CPQ: variants seen among roughly 807,000 people sequenced by gnomAD.
CPQ encodes carboxypeptidase Q, also known as Ser-Met dipeptidase.
A neutral mutation model predicts 45.7 loss-of-function variants in CPQ; 37 were observed. The observed-to-expected ratio is 0.81, with a 90% CI of 0.62 to 1.07. The LOEUF is 1.07. Ranked by LOEUF, CPQ falls within the 50% of genes least tolerant of loss-of-function variation. CPQ has a pLI of 0.00. For missense variants in CPQ, 537 were observed against 572.9 expected, an observed-to-expected ratio of 0.94 and a Z score of 0.64; for synonymous variants, 186 against 205.8, an observed-to-expected ratio of 0.90 and a Z score of 0.82.
chr8:97,123,125 AAATAAAAT>A, intron 7 of CPQ, among the ~76,000 whole-genome samples: 1 of 93,378 alleles, frequency 1.1e-5, no homozygotes, highest in East Asian at 5.9e-4. Flanking sequence ...AAAATAAAAT[AAATAAAAT>A]AAAATAAAAT....
chr8:96,787,525 CTTTTTTTTTTTTTTTTT>C lies in CPQ; in HGVS notation c.433+2209_433+2225del, dbSNP rs71267281. On this transcript the variant is annotated intron_variant, in intron 2 of 7. Coordinates refer to ENST00000220763, the MANE Select transcript of CPQ (RefSeq NM_016134.4). ...TTGTAGTTTCATTTTCTTATAATGTCTTTTTTTTTTTTTTTTTTTTTTTTTTTTTTGTATCAGAGTAA... is the reference window on the plus strand; with the variant it reads ...TTGTAGTTTCATTTTCTTATAATGTCTTTTTTTTTTTTTGTATCAGAGTAA... 2.4e-3 allele frequency among the ~76,000 whole-genome samples: 115 copies of C among 47,596 alleles called. 1 individual carries two copies. The highest frequency in any genetic ancestry group is 8.5e-3 in the African/African-American group (105 of 12,408). The allele number at this position is 47,596 out of a possible 152,430, so 31.2% of individuals were successfully genotyped here.
chr8:96,653,875 C>T (rs963634042), intron 1 of CPQ, among the ~76,000 whole-genome samples: 2 of 151,964 alleles, frequency 1.3e-5, no homozygotes, highest in South Asian at 4.2e-4. Context: ...AGAGGCAGGC[C>T]CACTTGGTGT....
intron 4 of CPQ, among the ~76,000 whole-genome samples, chr8:96,905,760 C>CAAAA (rs747470074): frequency 2.6e-4 from 17 of 64,796 alleles, no homozygotes; most frequent in East Asian, 1.4e-3. Context: ...CTGTCTTAAC[C>CAAAA]AAAAAAAAAA....
At chr8:97,104,746 G>T (rs1192544847) in intron 7 of CPQ, among the ~76,000 whole-genome samples, 1 of 152,094 alleles carries the variant, frequency 6.6e-6, no homozygotes, top group African/African-American at 2.4e-5. Context: ...CTAGCATCAG[G>T]GATCTAGAAT....
rs1390093632 is a variant in CPQ, at chr8:97,123,066, A to ATAAAATAAATAAAAT, written c.1256-19954_1256-19953insTAAAATAAATAAAAT. On this transcript the variant is annotated intron_variant, in intron 7 of 7. Coordinates refer to ENST00000220763, the MANE Select transcript of CPQ (RefSeq NM_016134.4). Reference sequence around the variant, plus strand: ...AATAAATAAAATAAAATAAAATAAAAAAAATAAAATAAAATAAATAAAATA... The same window carrying ATAAAATAAATAAAAT: ...AATAAATAAAATAAAATAAAATAAAATAAAATAAATAAAATAAAATAAAATAAAATAAATAAAATA... Among the ~76,000 whole-genome samples the ATAAAATAAATAAAAT allele has an allele frequency of 1.5e-4, 7 of 47,814 alleles. 1 individual carries two copies. The highest frequency in any genetic ancestry group is 9.0e-4 in the African/African-American group (6 of 6,668). 31.4% of individuals were successfully genotyped at this position (47,814 alleles called of 152,430 possible).
At chr8:97,052,015 C>CT (rs1810373205) in intron 6 of CPQ, among the ~76,000 whole-genome samples, 1 of 152,150 alleles carries the variant, frequency 6.6e-6, no homozygotes, top group African/African-American at 2.4e-5. Context: ...CTGACTAATG[C>CT]TTTTTATTCA....
intron 4 of CPQ, among the ~76,000 whole-genome samples, chr8:96,886,753 G>A (rs934194278): frequency 6.6e-6 from 1 of 152,206 alleles, no homozygotes; most frequent in Admixed American, 6.5e-5. Flanking sequence ...GTTGAATGGT[G>A]TATAAATTTG....
In CPQ at chr8:97,070,565, G is replaced by A. The variant is rs189434089; in HGVS notation, c.1255+4355G>A. Among the ~76,000 whole-genome samples the A allele has an allele frequency of 2.8e-3, 421 of 152,192 alleles. 1 individual carries two copies. Among genetic ancestry groups the A allele is most frequent in the Non-Finnish European group, 4.6e-3 (312 of 68,008 alleles). On this transcript the variant is annotated intron_variant, in intron 7 of 7. Transcript: ENST00000220763. Reference sequence around the variant, plus strand: ...GTTTAAGAATATGAAGAAAATAAAGGATACTAAGAGCCAAAAATGTATAAA... The same window carrying A: ...GTTTAAGAATATGAAGAAAATAAAGAATACTAAGAGCCAAAAATGTATAAA...
chr8:96,692,048 G>A (rs1809311463), intron 1 of CPQ, among the ~76,000 whole-genome samples: 1 of 152,156 alleles, frequency 6.6e-6, no homozygotes, highest in Admixed American at 6.5e-5. Context: ...CTGGAAAACA[G>A]TAAGGTCTCT....
chr8:96,797,413 A>T (rs1563499441), intron 2 of CPQ, among the ~76,000 whole-genome samples: 1 of 152,182 alleles, frequency 6.6e-6, no homozygotes, highest in East Asian at 1.9e-4. Flanking sequence ...ACTTTTTTGC[A>T]TAAATAAACA....
At chr8:97,095,283 C>T (rs143818264) in intron 7 of CPQ, among the ~76,000 whole-genome samples, 2 of 152,312 alleles carry the variant, frequency 1.3e-5, no homozygotes, top group East Asian at 1.9e-4. Flanking sequence ...ACCCTTACCA[C>T]AACCCATCTC....
rs1586548435 is a variant in CPQ at position 97,115,759 on chromosome 8, T to C, written c.1256-27261T>C. Among the ~76,000 whole-genome samples, 3 of 152,228 alleles carry C rather than the reference T, an allele frequency of 2.0e-5. No individual in the cohort carries two copies. The South Asian group carries it at 6.2e-4, about 31-fold the overall frequency. On this transcript the variant is annotated intron_variant, in intron 7 of 7. Coordinates refer to ENST00000220763, the MANE Select transcript of CPQ (RefSeq NM_016134.4). ...ATTCATTATGGCACAAGGTTACAAA[T>C]TGGCTTTCTGTTTCCCATCTCAGCC...
intron 1 of CPQ, among the ~76,000 whole-genome samples, chr8:96,694,950 A>T (rs573547819): frequency 3.0e-4 from 45 of 152,292 alleles, no homozygotes; most frequent in African/African-American, 1.1e-3. Flanking sequence ...TTTACAGTGC[A>T]TATGGAACCA....
intron 5 of CPQ, among the ~76,000 whole-genome samples, 180 bp downstream of exon 5, chr8:96,966,226 C>G (rs1342079881): frequency 6.6e-6 from 1 of 152,110 alleles, no homozygotes; most frequent in Non-Finnish European, 1.5e-5. Flanking sequence ...ATGTGTACGC[C>G]AGACATCTAA....
At chr8:96,840,092 G>T (rs1448781227) in intron 3 of CPQ, among the ~76,000 whole-genome samples, 2 of 152,170 alleles carry the variant, frequency 1.3e-5, no homozygotes, top group African/African-American at 4.8e-5. Flanking sequence ...ACAGAAATCT[G>T]ATTGGGGTTG....
chr8:96,653,683 A>G (rs1368143428), intron 1 of CPQ, among the ~76,000 whole-genome samples: 1 of 152,182 alleles, frequency 6.6e-6, no homozygotes, highest in Admixed American at 6.5e-5. Flanking sequence ...TTATTGAGAA[A>G]ATCCTAAGGG....
At chr8:96,947,378 C>T (rs568898751) in intron 4 of CPQ, among the ~76,000 whole-genome samples, 3 of 152,240 alleles carry the variant, frequency 2.0e-5, no homozygotes, top group Non-Finnish European at 4.4e-5. Flanking sequence ...CTAAATGACA[C>T]ATTTTTCAAA....
At chr8:96,769,586 C>G (rs1384006224) in intron 1 of CPQ, among the ~76,000 whole-genome samples, 1 of 148,078 alleles carries the variant, frequency 6.8e-6, no homozygotes, top group Non-Finnish European at 1.5e-5. Context: ...GCCGTAAATA[C>G]AAAATTTGTC....
intron 1 of CPQ, among the ~76,000 whole-genome samples, chr8:96,669,621 A>T (rs1227443040): frequency 6.6e-6 from 1 of 152,226 alleles, no homozygotes; most frequent in Non-Finnish European, 1.5e-5. Context: ...GAAAATAAGA[A>T]ATAAAATTGT....
Sources: gnomAD v4.1 joint callset for allele counts (sites outside exome capture counted in the v4.1 genomes callset) on GRCh38, gnomAD v4.1.1 for gene constraint, MANE v1.5 for transcripts, NCBI Gene and HGNC (gene_info 2026-07-23, HGNC 2026-07-21) for gene names.